NOL4: variants seen among roughly 807,000 people sequenced by gnomAD.
NOL4 encodes cancer/testis antigen 125.
A neutral mutation model predicts 75.9 loss-of-function variants in NOL4; 17 were observed. That is an observed-to-expected ratio of 0.22 (90% CI 0.15 to 0.34). The LOEUF is 0.34. NOL4 is among the 10% of genes least tolerant of loss of function. The pLI, the probability that NOL4 is intolerant of heterozygous loss-of-function variation, is 1.00. For synonymous variants in NOL4, 292 were observed against 289.9 expected (o/e 1.01, Z -0.07); for missense variants, 614 against 793.5 (o/e 0.77, Z 2.72).
intron 9 of NOL4, among the ~76,000 whole-genome samples, chr18:33,925,128 T>C (rs1463830268): frequency 2.7e-5 from 2 of 74,456 alleles, no homozygotes; most frequent in Non-Finnish European, 5.6e-5. Context: ...AATACAAATT[T>C]AAAATATACA....
chr18:34,119,315 T>C (rs2080009921), intron 2 of NOL4, among the ~76,000 whole-genome samples: 2 of 152,142 alleles, frequency 1.3e-5, no homozygotes, highest in African/African-American at 4.8e-5. Context: ...ATGTTTCCAA[T>C]AGCAAAACCA....
intron 1 of NOL4, among the ~76,000 whole-genome samples, chr18:34,162,607 AC>A (rs1250134452): frequency 6.6e-6 from 1 of 152,172 alleles, no homozygotes; most frequent in African/African-American, 2.4e-5. Context: ...TAGCTTACCA[AC>A]CAAAAAGAGT....
chr18:34,213,478 C>T (rs1048803106), intron 1 of NOL4, among the ~76,000 whole-genome samples: 1 of 152,088 alleles, frequency 6.6e-6, no homozygotes, highest in African/African-American at 2.4e-5. Flanking sequence ...TTAGTAGAGC[C>T]GGGGTTTCAC....
intron 1 of NOL4, among the ~76,000 whole-genome samples, chr18:34,161,335 T>C (rs1426812082): frequency 6.6e-6 from 1 of 152,176 alleles, no homozygotes; most frequent in Admixed American, 6.5e-5. Flanking sequence ...TACCCAGTAG[T>C]GGGATTGCCA....
chr18:33,935,596 T>C (rs892780232), intron 9 of NOL4, among the ~76,000 whole-genome samples: 3 of 152,032 alleles, frequency 2.0e-5, no homozygotes, highest in Admixed American at 6.6e-5. Flanking sequence ...GATGAAAAAT[T>C]TGAAATATTG....
chr18:33,897,689 C>T (rs570566377), intron 9 of NOL4, among the ~76,000 whole-genome samples: 13 of 151,964 alleles, frequency 8.6e-5, no homozygotes, highest in Non-Finnish European at 1.8e-4. Flanking sequence ...CAAAATAATA[C>T]GTACAACAAA....
At chr18:33,920,125 A>C (rs35936448) in intron 9 of NOL4, among the ~76,000 whole-genome samples, 5,171 of 152,214 alleles carry the variant, frequency 0.034, 102 homozygotes, top group East Asian at 0.055. Context: ...ACAAAATTTC[A>C]TATTGTATAA....
At chr18:33,950,473 A>G (rs1353858955) in intron 8 of NOL4, among the ~76,000 whole-genome samples, 1 of 152,130 alleles carries the variant, frequency 6.6e-6, no homozygotes, top group Non-Finnish European at 1.5e-5. Context: ...CCAGTCACTC[A>G]ATCTTTCATT....
In NOL4 at chr18:33,981,471, A is replaced by G. The variant is rs2071953586; in HGVS notation, c.1057-23053T>C. On this transcript the variant is annotated intron_variant, in intron 6 of 10. Transcript: ENST00000261592. ...ACAACAACTTAGCTAGAGAGGAGCA[A>G]AGATAAAAATTACATCTGACTTCTC... 2.0e-5 allele frequency among the ~76,000 whole-genome samples: 3 copies of G among 152,170 alleles called. No homozygotes were observed. The South Asian group carries it at 6.2e-4, about 32-fold the overall frequency.
intron 1 of NOL4, among the ~76,000 whole-genome samples, chr18:34,175,115 C>T (rs371929894): frequency 1.7e-4 from 26 of 152,184 alleles, no homozygotes; most frequent in South Asian, 4.1e-4. Flanking sequence ...ATGTTTATTG[C>T]GGCACTATTC....
chr18:34,046,618 A>ATATATATATACATATATATATATATATG (rs2076384408), intron 5 of NOL4, among the ~76,000 whole-genome samples: 2 of 114,386 alleles, frequency 1.7e-5, no homozygotes, highest in Non-Finnish European at 4.1e-5. Context: ...ATATATATAT[A>ATATATATATACATATATATATATATATG]TATATATATA....
rs1276012742 is a variant in NOL4, at chr18:33,979,608, T to A, written c.1057-21190A>T. Among the ~76,000 whole-genome samples, 3 of 152,100 alleles carry A rather than the reference T, an allele frequency of 2.0e-5. No individual in the cohort carries two copies. The East Asian group carries it at 5.8e-4, about 29-fold the overall frequency. Reference sequence around the variant, plus strand: ...AATGTTGAGGAACTTAGAATTTTTTTTTTGTATTTAGAAATAGCATGTGGA... The same window carrying A: ...AATGTTGAGGAACTTAGAATTTTTTATTTGTATTTAGAAATAGCATGTGGA... On this transcript the variant is annotated intron_variant, in intron 6 of 10. Transcript: ENST00000261592.
chr18:34,095,249 G>C (rs1372358558), intron 4 of NOL4, among the ~76,000 whole-genome samples: 1 of 143,598 alleles, frequency 7.0e-6, no homozygotes, highest in African/African-American at 2.6e-5. Context: ...ATTCTAATGT[G>C]TATGTGTGTG....
chr18:33,873,246 ATGT>A lies in NOL4; in HGVS notation c.1723+9995_1723+9997del, dbSNP rs1180598914. Among the ~76,000 whole-genome samples, 985 of 152,078 alleles carry A rather than the reference ATGT, an allele frequency of 6.5e-3. 13 individuals are homozygous for A. Among genetic ancestry groups the A allele is most frequent in the African/African-American group, 0.022 (927 of 41,544 alleles). ...TACAAAGTTTTACATAATAGACTTT[ATGT>A]GTTTTTCACACAAAAGAAACATCCA... On this transcript the variant is annotated intron_variant, in intron 10 of 10. Transcript: ENST00000261592.
chr18:34,025,164 T>A (rs1164053872), intron 5 of NOL4, among the ~76,000 whole-genome samples: 1 of 152,108 alleles, frequency 6.6e-6, no homozygotes, highest in Non-Finnish European at 1.5e-5. Context: ...TTTCCCTTTA[T>A]CAAAACTAAT....
At chr18:33,938,229 C>G (rs1448681487) in intron 9 of NOL4, among the ~76,000 whole-genome samples, 1 of 152,016 alleles carries the variant, frequency 6.6e-6, no homozygotes, top group Non-Finnish European at 1.5e-5. Flanking sequence ...AATATCCTTT[C>G]TCATGGGGTT....
intron 5 of NOL4, among the ~76,000 whole-genome samples, chr18:34,065,862 G>A (rs62097856): frequency 0.067 from 10,177 of 151,844 alleles, 475 homozygotes; most frequent in Non-Finnish European, 0.087. Flanking sequence ...TGTTTCTTTG[G>A]TTTAGTTGAG....
intron 1 of NOL4, among the ~76,000 whole-genome samples, chr18:34,142,355 C>T (rs1299949991): frequency 6.6e-6 from 1 of 152,200 alleles, no homozygotes; most frequent in African/African-American, 2.4e-5. Flanking sequence ...GATTATAAAT[C>T]ATGCTGCTAT....
Position 34,072,271 on chromosome 18 carries a change from C to T in NOL4, c.772+21194G>A, listed in dbSNP as rs115900826. ...AGATAAAATGACAGACAAAGGCACACTATTCAAACCCTAATCATAAGAAAA... is the reference window on the plus strand; with the variant it reads ...AGATAAAATGACAGACAAAGGCACATTATTCAAACCCTAATCATAAGAAAA... On this transcript the variant is annotated intron_variant, in intron 5 of 10. Coordinates refer to ENST00000261592, the MANE Select transcript of NOL4 (RefSeq NM_003787.5). Among the ~76,000 whole-genome samples, 1,201 of 152,064 alleles carry T rather than the reference C, an allele frequency of 7.9e-3. 18 individuals carry two copies. The highest frequency in any genetic ancestry group is 0.028 in the African/African-American group (1,161 of 41,500).
Sources: allele counts gnomAD v4.1 joint callset (sites outside exome capture counted in the v4.1 genomes callset), GRCh38; gene constraint gnomAD v4.1.1; transcripts MANE v1.5; gene names NCBI Gene and HGNC (gene_info 2026-07-23, HGNC 2026-07-21).